The following FREM1 variants were observed in gnomAD, a reference collection of about 807,000 sequenced individuals.
FREM1 encodes FRAS1-related extracellular matrix protein 1.
In FREM1, 220 loss-of-function variants were observed where a neutral mutation model predicts 210.1. The ratio of observed to expected loss-of-function variants is 1.05; its 90% CI spans 0.94 to 1.17. The LOEUF (loss-of-function observed/expected upper bound fraction) is 1.17, where lower values mean the gene tolerates loss of function less well. Ranked by LOEUF, FREM1 falls within the 50% of genes most tolerant of loss-of-function variation. The pLI is 0.00. For missense variants in FREM1, 3,454 were observed against 2,675.5 expected, an observed-to-expected ratio of 1.29 and a Z score of -6.42; for synonymous variants, 1,189 against 980.2, an observed-to-expected ratio of 1.21 and a Z score of -3.98.
chr9:14,813,655 T>C (rs935581078), intron 15 of FREM1, among the ~76,000 whole-genome samples: 16 of 151,916 alleles, frequency 1.1e-4, no homozygotes, highest in Non-Finnish European at 2.2e-4. Flanking sequence ...TCTCTCACTT[T>C]CACGAAAATA....
At chr9:14,806,917 C>T in intron 17 of FREM1, 71 bp from the exon 18 acceptor site, 1 of 895,486 alleles carries the variant, frequency 1.1e-6, no homozygotes, top group Non-Finnish European at 1.6e-6. Flanking sequence ...GGACAAAATG[C>T]AGTGACTGAA....
chr9:14,836,248 C>T lies in FREM1; in HGVS notation c.1881+5199G>A, dbSNP rs1291541110. Among the ~76,000 whole-genome samples, 1 of 152,238 alleles carries T rather than the reference C, an allele frequency of 6.6e-6. No homozygotes were observed. The highest frequency in any genetic ancestry group is 2.4e-5 in the African/African-American group (1 of 41,464). On this transcript the variant is annotated intron_variant, in intron 10 of 36. Coordinates refer to ENST00000380880, the MANE Select transcript of FREM1 (RefSeq NM_001379081.2). This position sits in a 1 kb window ranked among gnomAD's most constrained non-coding sequence, Gnocchi z 4.9. ...TTTGCAATAGGGTTATACACGGTAG[C>T]ACCTTCAAACTAAAATATTGGACAG... is the stretch of plus-strand genomic sequence containing the variant.
chr9:14,771,329 G>A (rs964164177), intron 25 of FREM1, among the ~76,000 whole-genome samples: 14 of 151,970 alleles, frequency 9.2e-5, no homozygotes, highest in African/African-American at 3.4e-4. Flanking sequence ...TTTTCAACTG[G>A]CAAAAATGTT....
chr9:14,818,042 G>T (rs747770508), intron 14 of FREM1, among the ~76,000 whole-genome samples: 3 of 152,176 alleles, frequency 2.0e-5, no homozygotes, highest in Non-Finnish European at 2.9e-5. Context: ...CTAGCTGAAT[G>T]AACTTGGGCA....
intron 35 of FREM1, among the ~76,000 whole-genome samples, chr9:14,745,304 A>G (rs1842216897): frequency 1.3e-5 from 2 of 152,192 alleles, no homozygotes; most frequent in South Asian, 4.1e-4. Context: ...GGATTGTCAT[A>G]TTTATACTTC....
intron 24 of FREM1, among the ~76,000 whole-genome samples, chr9:14,783,328 T>C (rs1215738456): frequency 1.3e-5 from 2 of 152,204 alleles, no homozygotes; most frequent in Non-Finnish European, 2.9e-5. Context: ...GTGACAGTGA[T>C]ACTTGATAGT....
intron 13 of FREM1, among the ~76,000 whole-genome samples, chr9:14,822,014 G>A (rs1016929460): frequency 1.9e-4 from 29 of 152,126 alleles, no homozygotes; most frequent in Non-Finnish European, 1.3e-4. Flanking sequence ...CTGAATCATA[G>A]GGGCAGTTTC....
At chr9:14,858,925 C>A (rs1054961922) in intron 4 of FREM1, among the ~76,000 whole-genome samples, 16 of 152,178 alleles carry the variant, frequency 1.1e-4, no homozygotes, top group African/African-American at 3.9e-4. Flanking sequence ...CCCTACAGGG[C>A]AGCTATTTTC....
At chr9:14,770,381 A>G (rs949528837) in intron 26 of FREM1, among the ~76,000 whole-genome samples, 4 of 152,196 alleles carry the variant, frequency 2.6e-5, no homozygotes, top group African/African-American at 9.6e-5. Flanking sequence ...AAAAATATAA[A>G]TAAACAGTTG....
rs1407677965 is a variant in FREM1 at position 14,823,176 on chromosome 9, T to C, written c.2321A>G (p.Asp774Gly). The part of the protein sequence containing the change: ...ICFNITILPV[D>G]NQVPEAFTNP... ...TGTACATACCTCAGGAACTTGATTG[T>C]CCACTGGGAGGATTGTAATGTTAAA... The change falls in exon 13 of 37, where the codon GAC becomes GGC. Residue 774 changes from aspartate (D) to glycine (G), a missense_variant. By Grantham distance (94) the Asp-to-Gly change is moderately conservative. Transcript: ENST00000380880. The C allele has an allele frequency of 1.2e-6, 2 of 1,613,764 alleles. No homozygotes were observed. Among genetic ancestry groups the C allele is most frequent in the Non-Finnish European group, 1.7e-6 (2 of 1,179,708 alleles).
intron 29 of FREM1, among the ~76,000 whole-genome samples, chr9:14,754,806 C>T (rs566303150): frequency 5.4e-4 from 82 of 152,114 alleles, no homozygotes; most frequent in South Asian, 4.4e-3. Flanking sequence ...TGGTGGTGTG[C>T]GCCTGTAGTC....
At chr9:14,768,625 T>C (rs1278371353) in intron 27 of FREM1, among the ~76,000 whole-genome samples, 1 of 152,136 alleles carries the variant, frequency 6.6e-6, no homozygotes, top group Non-Finnish European at 1.5e-5. Flanking sequence ...CTGCATTTTA[T>C]CGAGGCAACG....
intron 2 of FREM1, among the ~76,000 whole-genome samples, chr9:14,867,504 C>T (rs56072930): frequency 1.0e-3 from 157 of 152,250 alleles, no homozygotes; most frequent in African/African-American, 3.7e-3. Flanking sequence ...TGGTTACTAC[C>T]ACATCAGAAA....
chr9:14,841,382 C>A, intron 10 of FREM1, 65 bp downstream of exon 10: 2 of 1,324,280 alleles, frequency 1.5e-6, no homozygotes, highest in East Asian at 2.5e-5. Flanking sequence ...GGTTTCTAAC[C>A]ACATCTCCTA....
At chr9:14,899,976 C>T (rs80314150) in intron 1 of FREM1, among the ~76,000 whole-genome samples, 4,372 of 152,270 alleles carry the variant, frequency 0.029, 102 homozygotes, top group Non-Finnish European at 0.041. Flanking sequence ...CAGACCATAA[C>T]GTGAACGGTG....
Position 14,767,761 on chromosome 9 carries a change from A to G in FREM1, c.5204+1963T>C, listed in dbSNP as rs1846706244. 7.2e-5 allele frequency among the ~76,000 whole-genome samples: 11 copies of G among 152,262 alleles called. No individual in the cohort carries two copies. In the South Asian group the frequency reaches 2.3e-3, roughly 32 times the overall value. On this transcript the variant is annotated intron_variant, in intron 27 of 36. Coordinates refer to ENST00000380880, the MANE Select transcript of FREM1 (RefSeq NM_001379081.2). ...TACCGTTCAAAAATGATGATGATAA[A>G]TGCTGAGTAATTTTACCCCCCCATC...
chr9:14,882,265 T>G (rs1834923651), intron 1 of FREM1, among the ~76,000 whole-genome samples: 1 of 152,084 alleles, frequency 6.6e-6, no homozygotes, highest in Admixed American at 6.6e-5. Context: ...ATTCTCTAAT[T>G]ATATCATAGT....
At chr9:14,745,513 T>C (rs1842261125) in intron 35 of FREM1, among the ~76,000 whole-genome samples, 2 of 152,218 alleles carry the variant, frequency 1.3e-5, no homozygotes, top group African/African-American at 4.8e-5. Flanking sequence ...ATTTTCTGGG[T>C]TTAAGACCTT....
chr9:14,845,512 T>A (rs1826444693), intron 8 of FREM1, among the ~76,000 whole-genome samples: 2 of 152,046 alleles, frequency 1.3e-5, no homozygotes, highest in African/African-American at 4.8e-5. Flanking sequence ...ACCATATTGG[T>A]CAGGCTGGTC....
Sources: gnomAD v4.1 joint callset for allele counts (sites outside exome capture counted in the v4.1 genomes callset) on GRCh38, gnomAD v4.1.1 for gene constraint, Gnocchi (gnomAD v3.1) non-coding constraint, MANE v1.5 for transcripts, NCBI Gene and HGNC (gene_info 2026-07-23, HGNC 2026-07-21) for gene names.